Variants in DYSF observed in about 807,000 individuals in gnomAD.
DYSF encodes dysferlin.
In DYSF, 212 loss-of-function variants were observed where a neutral mutation model predicts 274.9. The ratio of observed to expected loss-of-function variants is 0.77; its 90% CI spans 0.69 to 0.86. DYSF has a LOEUF of 0.86. Among genes scored for constraint, DYSF ranks in the 40% least tolerant of loss-of-function variants. DYSF has a pLI of 0.00. For missense variants in DYSF, 2,666 were observed against 2,783.2 expected, an observed-to-expected ratio of 0.96 and a Z score of 0.95; for synonymous variants, 1,091 against 1,078.7, an observed-to-expected ratio of 1.01 and a Z score of -0.22.
chr2:71,683,204 G>A (rs1283944200), intron 55 of DYSF, among the ~76,000 whole-genome samples: 1 of 152,204 alleles, frequency 6.6e-6, no homozygotes, highest in Non-Finnish European at 1.5e-5. Flanking sequence ...TGGGCATAGG[G>A]AAGCTGTCGG....
At chr2:71,496,247 C>T (rs1288818214) in intron 3 of DYSF, among the ~76,000 whole-genome samples, 1 of 152,180 alleles carries the variant, frequency 6.6e-6, no homozygotes, top group African/African-American at 2.4e-5. Flanking sequence ...AATCCCAGCA[C>T]TTTGGGAGGC....
intron 36 of DYSF, among the ~76,000 whole-genome samples, chr2:71,608,985 T>C (rs1021635188): frequency 7.4e-5 from 6 of 80,822 alleles, no homozygotes; most frequent in African/African-American, 7.2e-4. Context: ...TGGGTCCATA[T>C]TGGGTTGGGC....
chr2:71,574,054 T>G, intron 29 of DYSF, 144 bp from the exon 30 acceptor site: 2 of 1,000,598 alleles, frequency 2.0e-6, no homozygotes, highest in Non-Finnish European at 3.0e-6. Flanking sequence ...TAGGTGGCCC[T>G]CCCAGGTTTT....
chr2:71,560,824 G>A (rs1179712022), intron 22 of DYSF, among the ~76,000 whole-genome samples: 1 of 152,110 alleles, frequency 6.6e-6, no homozygotes, highest in Admixed American at 6.5e-5. Context: ...CTGGTGGAGC[G>A]GGTTTGACTA....
chr2:71,462,134 A>G (rs950968515), upstream of DYSF, among the ~76,000 whole-genome samples: 2 of 152,206 alleles, frequency 1.3e-5, no homozygotes, highest in African/African-American at 4.8e-5. Context: ...CTCAGCTCTC[A>G]GTACCAGCCC....
rs1004876659 is a variant in DYSF, at chr2:71,553,445, C to T, written c.1984+257C>T. 5.9e-5 allele frequency among the ~76,000 whole-genome samples: 9 copies of T among 152,202 alleles called. No individual in the cohort carries two copies. The East Asian group carries it at 1.5e-3, about 26-fold the overall frequency. On this transcript the variant is annotated intron_variant, in intron 20 of 55. Transcript: ENST00000410020. ...CATCCTGATCATTTCAAGGAGTCAG[C>T]CAGCCTTGGTTTGGACATTTTAGGG...
intron 1 of DYSF, among the ~76,000 whole-genome samples, chr2:71,479,034 T>C (rs1019895346): frequency 5.9e-5 from 9 of 152,000 alleles, no homozygotes; most frequent in Admixed American, 4.6e-4. Context: ...CTGGGAGATG[T>C]GGCCAGAGGC....
chr2:71,632,082 C>A (rs550981975), intron 41 of DYSF, among the ~76,000 whole-genome samples: 27 of 152,248 alleles, frequency 1.8e-4, no homozygotes, highest in African/African-American at 6.0e-4. Context: ...TTCTTGGCTT[C>A]CCTTGGAAAT....
At chr2:71,592,958 G>A (rs964417156) in intron 32 of DYSF, among the ~76,000 whole-genome samples, 1 of 152,140 alleles carries the variant, frequency 6.6e-6, no homozygotes, top group Non-Finnish European at 1.5e-5. Flanking sequence ...CCATCCAGAC[G>A]GCCTGAGGGT....
rs539286798 is a variant in DYSF, at chr2:71,460,050, C to T, written c.88+5964C>T. ...CTCACCTGAAGCCTCAGGTGGGATG[C>T]AGATCTAGCTATTTGTAAACAAGCC... On this transcript the variant is annotated intron_variant, in intron 1 of 54. Coordinates refer to the DYSF transcript ENST00000258104. 4.6e-5 allele frequency among the ~76,000 whole-genome samples: 7 copies of T among 152,248 alleles called. No individual in the cohort carries two copies. In the South Asian group the frequency reaches 1.5e-3, roughly 32 times the overall value.
chr2:71,660,775 A>G (rs2152943526), intron 45 of DYSF, 124 bp downstream of exon 45: 1 of 832,010 alleles, frequency 1.2e-6, no homozygotes, highest in South Asian at 1.4e-5. Context: ...TATTCCTTAA[A>G]TCTTGCATGT....
intron 12 of DYSF, among the ~76,000 whole-genome samples, chr2:71,524,964 C>A (rs999626899): frequency 6.6e-6 from 1 of 152,214 alleles, no homozygotes; most frequent in South Asian, 2.1e-4. Flanking sequence ...GGGCAAGCAG[C>A]GTGGGCATCA....
intron 44 of DYSF, among the ~76,000 whole-genome samples, chr2:71,660,131 G>A (rs146273576): frequency 5.2e-4 from 79 of 152,362 alleles, no homozygotes; most frequent in Non-Finnish European, 1.3e-4. Flanking sequence ...GGGTGCTGCT[G>A]CTTCCAGGAA....
At chr2:71,572,027 T>TAGCACACCCACAGATC (rs2092508296) in intron 29 of DYSF, among the ~76,000 whole-genome samples, 1 of 61,526 alleles carries the variant, frequency 1.6e-5, no homozygotes, top group Admixed American at 2.1e-4. Flanking sequence ...ACACACACAT[T>TAGCACACCCACAGATC]ACACCTAGCA....
At chr2:71,473,647 C>T (rs1225087867) in intron 1 of DYSF, among the ~76,000 whole-genome samples, 4 of 152,124 alleles carry the variant, frequency 2.6e-5, no homozygotes, top group Admixed American at 6.5e-5. Flanking sequence ...TTCGCCAAGC[C>T]GATACTGGCC....
intron 42 of DYSF, 128 bp downstream of exon 42, chr2:71,644,191 T>G (rs2094532118): frequency 1.2e-6 from 1 of 859,420 alleles, no homozygotes; most frequent in African/African-American, 1.7e-5. Flanking sequence ...CTGAGGGTGA[T>G]GAATGCTGCT....
chr2:71,513,377 A>G, intron 6 of DYSF, 45 bp downstream of exon 6: 1 of 1,530,828 alleles, frequency 6.5e-7, no homozygotes, highest in Non-Finnish European at 8.8e-7. Context: ...CCCTCCCTGT[A>G]ACTGTCTCAC....
chr2:71,686,564 G>C lies in DYSF; in HGVS notation c.*72G>C. On this transcript the variant is annotated 3_prime_UTR_variant, in exon 56 of 56. Coordinates refer to ENST00000410020, the MANE Select transcript of DYSF (RefSeq NM_001130987.2). ...GGGACTGGCCTGCCTCCTCCGCCCA[G>C]CTCGGCGAGCTCCTCCAGACCTCCT... is the stretch of plus-strand genomic sequence containing the variant. The C allele has an allele frequency of 6.4e-7, 1 of 1,573,486 alleles. No homozygotes were observed. Among genetic ancestry groups the C allele is most frequent in the Non-Finnish European group, 8.7e-7 (1 of 1,146,016 alleles).
intron 3 of DYSF, among the ~76,000 whole-genome samples, chr2:71,482,409 C>T (rs2082991228): frequency 6.6e-6 from 1 of 152,174 alleles, no homozygotes; most frequent in South Asian, 2.1e-4. Flanking sequence ...AGGAATGCTT[C>T]ATGGAAGGGG....
Sources: gnomAD v4.1 joint callset for allele counts (sites outside exome capture counted in the v4.1 genomes callset) on GRCh38, gnomAD v4.1.1 for gene constraint, MANE v1.5 for transcripts, NCBI Gene and HGNC (gene_info 2026-07-23, HGNC 2026-07-21) for gene names.